Variants in STK33 observed in about 807,000 individuals in gnomAD.
STK33 encodes serine/threonine-protein kinase 33.
In STK33, 52 loss-of-function variants were observed where a neutral mutation model predicts 58.0. The observed-to-expected ratio is 0.90, with a 90% confidence interval of 0.72 to 1.13. The LOEUF is 1.13. Among genes scored for constraint, STK33 ranks in the 50% most tolerant of loss-of-function variants. The pLI is 0.00. For missense variants in STK33, 630 were observed against 604.2 expected, an observed-to-expected ratio of 1.04 and a Z score of -0.45; for synonymous variants, 215 against 200.1, an observed-to-expected ratio of 1.07 and a Z score of -0.63.
At chr11:8,364,175 A>T in the STK33 span, among the ~76,000 whole-genome samples, 1 of 152,216 alleles carries the variant, frequency 6.6e-6, no homozygotes, top group African/African-American at 2.4e-5. Context: ...CGTCTTCACT[A>T]AGTTCCTCTG....
At chr11:8,581,433 T>A (rs1486496118) in intron 1 of STK33, among the ~76,000 whole-genome samples, 1 of 151,900 alleles carries the variant, frequency 6.6e-6, no homozygotes, top group East Asian at 1.9e-4. Context: ...ATCACTTGAG[T>A]CTGGAAGGTC....
chr11:8,391,853 T>C (rs1287447573), downstream of STK33: 1 of 152,904 alleles, frequency 6.5e-6, no homozygotes, highest in Admixed American at 6.5e-5. Flanking sequence ...CACCTCTTGT[T>C]AACATAAAAA....
At chr11:8,451,401 T>C (rs866555034) in intron 11 of STK33, among the ~76,000 whole-genome samples, 16 of 152,050 alleles carry the variant, frequency 1.1e-4, no homozygotes, top group African/African-American at 3.9e-4. Context: ...TATTCAACAA[T>C]ATAGAAGAGC....
At chr11:8,585,066 G>T (rs966201752) in intron 1 of STK33, among the ~76,000 whole-genome samples, 1 of 151,460 alleles carries the variant, frequency 6.6e-6, no homozygotes, top group African/African-American at 2.4e-5. Context: ...GGGATTACAC[G>T]CATGCACCAC....
intron 11 of STK33, among the ~76,000 whole-genome samples, chr11:8,448,789 TAATTAAAC>T (rs1374429402): frequency 6.6e-6 from 1 of 152,136 alleles, no homozygotes; most frequent in Non-Finnish European, 1.5e-5. Context: ...AAATGGGACC[TAATTAAAC>T]AAAAGAGCTT....
chr11:8,539,003 T>G (rs1955282324), intron 1 of STK33, among the ~76,000 whole-genome samples: 1 of 152,190 alleles, frequency 6.6e-6, no homozygotes, highest in African/African-American at 2.4e-5. Context: ...ATATTACTGA[T>G]AATATAAACT....
At chr11:8,357,306 C>G in the STK33 span, among the ~76,000 whole-genome samples, 1 of 152,268 alleles carries the variant, frequency 6.6e-6, no homozygotes, top group Non-Finnish European at 1.5e-5. Context: ...TGTTTGTGGA[C>G]AGCTGGGAGC....
chr11:8,558,138 C>CA (rs2140875930), intron 1 of STK33, among the ~76,000 whole-genome samples: 1 of 151,684 alleles, frequency 6.6e-6, no homozygotes, highest in African/African-American at 2.4e-5. Flanking sequence ...GGATTACCTG[C>CA]AAAAAAAGGA....
intron 14 of STK33, among the ~76,000 whole-genome samples, chr11:8,428,900 T>A (rs1364112156): frequency 6.6e-6 from 1 of 152,110 alleles, no homozygotes; most frequent in Non-Finnish European, 1.5e-5. Context: ...TGAAAAGTCA[T>A]TCTTAAATAA....
downstream of STK33, among the ~76,000 whole-genome samples, chr11:8,388,341 C>A (rs1387817158): frequency 6.6e-6 from 1 of 152,234 alleles, no homozygotes; most frequent in African/African-American, 2.4e-5. Context: ...ATAGCAGGGA[C>A]TGAAGAAGGC....
chr11:8,477,954 AC>A (rs1949437758), intron 2 of STK33, among the ~76,000 whole-genome samples: 1 of 152,296 alleles, frequency 6.6e-6, no homozygotes, highest in East Asian at 1.9e-4. Context: ...CTTTCTTACC[AC>A]AGCAATTCTA....
At chr11:8,464,856 T>G (rs200073358) in intron 6 of STK33, 34 bp from the exon 7 acceptor site, 8 of 1,372,840 alleles carry the variant, frequency 5.8e-6, no homozygotes, top group Non-Finnish European at 8.2e-6. Flanking sequence ...TGTCTCTCTA[T>G]GCCATTCATC....
chr11:8,460,507 G>C (rs1468512335), intron 8 of STK33, among the ~76,000 whole-genome samples: 3 of 151,912 alleles, frequency 2.0e-5, no homozygotes, highest in African/African-American at 7.3e-5. Flanking sequence ...GAAACAAGGA[G>C]ATAAAAAATG....
intron 1 of STK33, among the ~76,000 whole-genome samples, chr11:8,498,210 A>G (rs1951211468): frequency 6.6e-6 from 1 of 152,162 alleles, no homozygotes; most frequent in Admixed American, 6.5e-5. Context: ...AGAAAAAAGC[A>G]CTCAGCAAAC....
chr11:8,343,619 C>T, the STK33 span, among the ~76,000 whole-genome samples: 1,096 of 152,312 alleles, frequency 7.2e-3, 13 homozygotes, highest in African/African-American at 0.025. Context: ...TGCAGAGATG[C>T]ATTCGCGCCT....
intron 1 of STK33, among the ~76,000 whole-genome samples, chr11:8,545,645 T>C (rs1955851340): frequency 6.6e-6 from 1 of 152,154 alleles, no homozygotes; most frequent in Non-Finnish European, 1.5e-5. Context: ...TTAGGCACAG[T>C]GAAAGAAGCA....
intron 1 of STK33, among the ~76,000 whole-genome samples, chr11:8,499,946 G>A (rs532253823): frequency 6.6e-6 from 1 of 152,232 alleles, no homozygotes; most frequent in South Asian, 2.1e-4. Flanking sequence ...GGGAGGGATA[G>A]CATTAGGAGA....
chr11:8,576,740 G>A (rs1212423269), intron 1 of STK33, among the ~76,000 whole-genome samples: 6 of 152,070 alleles, frequency 3.9e-5, no homozygotes, highest in Non-Finnish European at 5.9e-5. Flanking sequence ...AGAGAGGTTC[G>A]GTAATTTGCA....
intron 1 of STK33, among the ~76,000 whole-genome samples, chr11:8,485,259 G>C (rs1378756252): frequency 6.6e-6 from 1 of 152,080 alleles, no homozygotes; most frequent in East Asian, 1.9e-4. Context: ...AAAAATATGA[G>C]TTTCCAGACC....
Sources: allele counts gnomAD v4.1 joint callset (sites outside exome capture counted in the v4.1 genomes callset), GRCh38; gene constraint gnomAD v4.1.1; transcripts MANE v1.5; gene names NCBI Gene and HGNC (gene_info 2026-07-23, HGNC 2026-07-21).